The following CHL1 variants were observed in gnomAD, a reference collection of about 807,000 sequenced individuals.
CHL1 encodes neural cell adhesion molecule L1-like protein.
A neutral mutation model predicts 141.9 loss-of-function variants in CHL1; 96 were observed. That is an observed-to-expected ratio of 0.68 (90% CI 0.57 to 0.80). The LOEUF is 0.80. Ranked by LOEUF, CHL1 falls within the 30% of genes least tolerant of loss-of-function variation. The pLI is 0.00. For synonymous variants in CHL1, 613 were observed against 502.2 expected (o/e 1.22, Z -2.95); for missense variants, 1,820 against 1,457.2 (o/e 1.25, Z -4.05).
rs551892980 is a variant in CHL1, at chr3:250,285, C to T, written c.-95+5593C>T. On this transcript the variant is annotated intron_variant, in intron 2 of 27. Transcript: ENST00000256509. ...ATATTAGTAATTTAATTTTTACATG[C>T]GGAGAGGATGTCATAGTAAAGAAGT... 4.6e-5 allele frequency among the ~76,000 whole-genome samples: 7 copies of T among 151,946 alleles called. 1 individual carries two copies. The highest frequency in any genetic ancestry group is 1.3e-4 in the Admixed American group (2 of 15,220).
At chr3:341,856 G>A (rs986365151) in intron 6 of CHL1, 56 bp from the exon 7 acceptor site, 14 of 1,335,194 alleles carry the variant, frequency 1.0e-5, no homozygotes, top group Non-Finnish European at 1.3e-5. Context: ...GAAAAAGGAA[G>A]ATGAAGCACA....
chr3:306,970 C>T (rs752913454), intron 2 of CHL1, among the ~76,000 whole-genome samples: 1 of 152,166 alleles, frequency 6.6e-6, no homozygotes. Context: ...ACTTTAAATA[C>T]AACCTGAGAA....
intron 2 of CHL1, among the ~76,000 whole-genome samples, chr3:276,758 C>T (rs532884046): frequency 3.3e-5 from 5 of 151,624 alleles, no homozygotes; most frequent in Non-Finnish European, 7.4e-5. Context: ...GCATGCTGGC[C>T]GGCACCTGTA....
chr3:378,277 G>A (rs1231437681), intron 16 of CHL1, among the ~76,000 whole-genome samples: 2 of 152,116 alleles, frequency 1.3e-5, no homozygotes, highest in Non-Finnish European at 2.9e-5. Flanking sequence ...TGGGGCTGAG[G>A]AATGGAGGTG....
chr3:307,800 A>G (rs1469662192), intron 2 of CHL1, among the ~76,000 whole-genome samples: 1 of 152,240 alleles, frequency 6.6e-6, no homozygotes, highest in South Asian at 2.1e-4. Flanking sequence ...CTAGAGATTT[A>G]GAAGAGTTTT....
At chr3:331,942 A>C (rs561716366) in intron 5 of CHL1, among the ~76,000 whole-genome samples, 8 of 152,216 alleles carry the variant, frequency 5.3e-5, no homozygotes, top group Non-Finnish European at 1.2e-4. Flanking sequence ...TTTAGATTGC[A>C]ATATACATCC....
At chr3:391,975 G>C (rs568939977) in intron 23 of CHL1, among the ~76,000 whole-genome samples, 178 bp downstream of exon 23, 6 of 152,282 alleles carry the variant, frequency 3.9e-5, no homozygotes, top group Non-Finnish European at 7.4e-5. Context: ...CCTGCTGCCT[G>C]TTTTTAGGAA....
Position 255,997 on chromosome 3 carries a change from T to G in CHL1, c.-95+11305T>G, listed in dbSNP as rs539330814. On this transcript the variant is annotated intron_variant, in intron 2 of 27. Transcript: ENST00000256509. Reference sequence around the variant, plus strand: ...TTCCACACTTTCAACTTTCTAAAATTCCTGGGATTCATGCTCCCATTCCCC... The same window carrying G: ...TTCCACACTTTCAACTTTCTAAAATGCCTGGGATTCATGCTCCCATTCCCC... Among the ~76,000 whole-genome samples the G allele has an allele frequency of 2.6e-5, 4 of 152,294 alleles. No homozygotes were observed. The South Asian group carries it at 6.2e-4, about 24-fold the overall frequency.
intron 15 of CHL1, among the ~76,000 whole-genome samples, chr3:369,705 G>A (rs573400886): frequency 5.3e-5 from 8 of 152,134 alleles, no homozygotes; most frequent in Non-Finnish European, 1.0e-4. Context: ...TCCAGCTTTT[G>A]CCAATTCAAT....
At chr3:221,476 A>T (rs1700834412) in intron 1 of CHL1, among the ~76,000 whole-genome samples, 2 of 152,216 alleles carry the variant, frequency 1.3e-5, no homozygotes, top group Admixed American at 1.3e-4. Context: ...CAGACCCTAC[A>T]CTTATTCAAA....
chr3:281,050 G>C (rs1696604160), intron 2 of CHL1, among the ~76,000 whole-genome samples: 1 of 151,970 alleles, frequency 6.6e-6, no homozygotes, highest in South Asian at 2.1e-4. Context: ...ACAATGTCTA[G>C]ATACATTTTT....
intron 2 of CHL1, among the ~76,000 whole-genome samples, chr3:255,403 A>G (rs1694062888): frequency 6.6e-6 from 1 of 152,174 alleles, no homozygotes; most frequent in Non-Finnish European, 1.5e-5. Flanking sequence ...GCATTGACTT[A>G]CAATTAGAGA....
intron 2 of CHL1, among the ~76,000 whole-genome samples, chr3:249,212 G>A (rs531113419): frequency 8.5e-5 from 13 of 152,282 alleles, no homozygotes; most frequent in African/African-American, 2.2e-4. Flanking sequence ...AGGGCAAAGA[G>A]CAGACACATC....
At chr3:281,173 A>G (rs1254673144) in intron 2 of CHL1, among the ~76,000 whole-genome samples, 1 of 152,182 alleles carries the variant, frequency 6.6e-6, no homozygotes, top group Non-Finnish European at 1.5e-5. Flanking sequence ...TTCAGTTGGA[A>G]ATTTCAAGGG....
intron 2 of CHL1, among the ~76,000 whole-genome samples, chr3:285,176 C>G (rs1437732794): frequency 1.3e-5 from 2 of 152,160 alleles, no homozygotes; most frequent in Non-Finnish European, 2.9e-5. Flanking sequence ...GATGCTGGAT[C>G]AAGTCAAAAC....
intron 2 of CHL1, among the ~76,000 whole-genome samples, chr3:279,747 A>G (rs140111892): frequency 1.0e-3 from 153 of 152,354 alleles, no homozygotes; most frequent in African/African-American, 3.6e-3. Context: ...GGGAGGAAAG[A>G]TAGTACCAGA....
intron 12 of CHL1, among the ~76,000 whole-genome samples, chr3:361,373 G>T (rs1704229612): frequency 1.6e-5 from 2 of 125,994 alleles, no homozygotes; most frequent in African/African-American, 2.8e-5. Context: ...TGACAAATGG[G>T]ATCTAATTAA....
At chr3:317,619 C>T (rs952122590) in intron 2 of CHL1, among the ~76,000 whole-genome samples, 13 of 143,686 alleles carry the variant, frequency 9.0e-5, no homozygotes, top group African/African-American at 3.4e-4. Flanking sequence ...ATATAATAAA[C>T]AATGACTTTA....
At chr3:393,248 G>A (rs1295209634) in intron 23 of CHL1, among the ~76,000 whole-genome samples, 5 of 65,406 alleles carry the variant, frequency 7.6e-5, no homozygotes, top group Non-Finnish European at 8.1e-5. Flanking sequence ...AAAAAAAAAA[G>A]TGTTAAGAAT....
Sources: gnomAD v4.1 joint callset for allele counts (sites outside exome capture counted in the v4.1 genomes callset) on GRCh38, gnomAD v4.1.1 for gene constraint, MANE v1.5 for transcripts, NCBI Gene and HGNC (gene_info 2026-07-23, HGNC 2026-07-21) for gene names.